Variants in CUL4B observed in about 807,000 individuals in gnomAD.
CUL4B encodes the protein cullin-4B.
Under a neutral mutation model 69.2 loss-of-function variants are expected in CUL4B, and 1 was observed. The ratio of observed to expected loss-of-function variants is 0.01; its 90% confidence interval spans 0.01 to 0.07. The LOEUF is 0.07. Among genes scored for constraint, CUL4B ranks in the 10% least tolerant of loss-of-function variants. CUL4B has a pLI of 1.00. For missense variants in CUL4B, 328 were observed against 638.8 expected (o/e 0.51, Z 5.24); for synonymous variants, 237 against 223.2 (o/e 1.06, Z -0.55).
chrX:120,539,516 A>T (rs1410223511), intron 11 of CUL4B, 144 bp from the exon 12 acceptor site: 1 of 413,245 alleles, frequency 2.4e-6, no homozygotes, highest in Non-Finnish European at 4.3e-6. Flanking sequence ...CTCCAAAGTC[A>T]GGAAGATCAA....
chrX:120,561,835 A>G (rs1461684872), upstream of CUL4B, among the ~76,000 whole-genome samples: 1 of 111,268 alleles, frequency 9.0e-6, no homozygotes, highest in Admixed American at 9.5e-5. Context: ...TAAGATAGGA[A>G]AGGAGAAGAA....
At position 120,534,539 on chromosome X, in the gene CUL4B, T is replaced by C. The variant is rs1476660144; in HGVS notation, c.2208A>G (p.Leu736=). ...TGAACTCCTCTCCCTCATTAAACAT[T>C]AGCAGCACCAGTGTTTGAAAAAGAG... The part of the protein sequence containing the change: ...QVSLFQTLVL[L]MFNEGEEFSL... Residue 736 remains leucine (L), a synonymous_variant, in exon 17 of 20, where the codon CTA becomes CTG. Coordinates refer to ENST00000371322, the MANE Select transcript of CUL4B (RefSeq NM_001079872.2). 8.3e-7 allele frequency: 1 copy of C among 1,208,688 alleles called. No individual in the cohort carries two copies. Among genetic ancestry groups the C allele is most frequent in the Non-Finnish European group, 1.1e-6 (1 of 893,208 alleles).
intron 1 of CUL4B, 146 bp downstream of exon 1, chrX:120,559,936 CA>C: frequency 8.7e-7 from 1 of 1,143,941 alleles, no homozygotes. Flanking sequence ...AACCCTCCAC[CA>C]AAAAAGGACC....
chrX:120,557,750 C>T (rs1925063635), intron 2 of CUL4B, among the ~76,000 whole-genome samples, 174 bp downstream of exon 2: 1 of 111,298 alleles, frequency 9.0e-6, no homozygotes, highest in African/African-American at 3.3e-5. Context: ...ATGACTGTAC[C>T]CATGGTTTAT....
intron 2 of CUL4B, among the ~76,000 whole-genome samples, chrX:120,548,982 G>C (rs370414632): frequency 1.8e-5 from 2 of 112,245 alleles, no homozygotes; most frequent in Admixed American, 1.9e-4. Flanking sequence ...TCAGATTTCC[G>C]TAAGTTTCCT....
chrX:120,535,074 A>C (rs1270518183), intron 16 of CUL4B, among the ~76,000 whole-genome samples: 1 of 111,795 alleles, frequency 8.9e-6, no homozygotes, highest in Non-Finnish European at 1.9e-5. Flanking sequence ...TCATGCCTGT[A>C]ATCCCAGCAC....
chrX:120,530,656 T>A (rs1013918609), intron 18 of CUL4B, among the ~76,000 whole-genome samples: 5 of 112,124 alleles, frequency 4.5e-5, no homozygotes, highest in Admixed American at 9.5e-5. Context: ...GGTGACTCTG[T>A]CTGATCTCTG....
At position 120,538,126 on chromosome X, in the gene CUL4B, G is replaced by C; in HGVS notation, c.1936C>G (p.Gln646Glu). ...TTAAGAGTTTAACTCACTTTTACCTGTTTGAACTGAATCATGATGTCTTTA... is the reference window on the plus strand; with the variant it reads ...TTAAGAGTTTAACTCACTTTTACCTCTTTGAACTGAATCATGATGTCTTTA... ...LSKDIMIQFKQYMQNQNVPGN... is the reference protein window; with the variant it reads ...LSKDIMIQFKEYMQNQNVPGN... Residue 646 changes from glutamine to glutamate, a missense_variant and splice_region_variant, in exon 14 of 20, where the codon CAG (glutamine) becomes GAG (glutamate). Gln to Glu is a conservative substitution (Grantham distance 29). Coordinates refer to ENST00000371322, the MANE Select transcript of CUL4B (RefSeq NM_001079872.2). 8.5e-7 allele frequency: 1 copy of C among 1,182,571 alleles called. No individual in the cohort carries two copies.
In CUL4B at chrX:120,538,205, G is replaced by A. The variant is rs148700620; in HGVS notation, c.1857C>T (p.Cys619=). Reference sequence around the variant, plus strand: ...CAAGTTTGCTGGTGAAAGCAGCTCCGCATTCTATTAAAGATGTTTGTACAT... The same window carrying A: ...CAAGTTTGCTGGTGAAAGCAGCTCCACATTCTATTAAAGATGTTTGTACAT... ...KSMLSKLKHE[C]GAAFTSKLEG... The change falls in exon 14 of 20, where the codon TGC becomes TGT. Residue 619 remains cysteine (C), a synonymous_variant. Coordinates refer to ENST00000371322, the MANE Select transcript of CUL4B (RefSeq NM_001079872.2). 1,580 of 1,156,497 alleles carry A rather than the reference G, an allele frequency of 1.4e-3. No individual in the cohort carries two copies. The highest frequency in any genetic ancestry group is 7.7e-3 in the Middle Eastern group (30 of 3,897).
chrX:120,566,345 G>GTATATATATATA (rs537274243), upstream of CUL4B, among the ~76,000 whole-genome samples: 62 of 40,912 alleles, frequency 1.5e-3, 2 homozygotes, highest in South Asian at 2.1e-3. Context: ...GTGTGTATAG[G>GTATATATATATA]TATATATATA....
intron 16 of CUL4B, among the ~76,000 whole-genome samples, chrX:120,535,490 G>T (rs1436990632): frequency 1.8e-5 from 2 of 109,774 alleles, no homozygotes; most frequent in Admixed American, 1.9e-4. Flanking sequence ...GGATCACAAG[G>T]TCAAGAGACA....
At chrX:120,533,246 T>C (rs948800652) in intron 17 of CUL4B, among the ~76,000 whole-genome samples, 5 of 112,193 alleles carry the variant, frequency 4.5e-5, no homozygotes, top group African/African-American at 1.6e-4. Context: ...CCTTCTACTT[T>C]ATGCCTGAAT....
intron 2 of CUL4B, among the ~76,000 whole-genome samples, chrX:120,555,057 T>C (rs1039081455): frequency 1.8e-5 from 2 of 112,168 alleles, no homozygotes; most frequent in Non-Finnish European, 3.8e-5. Flanking sequence ...AGTAAGGTAT[T>C]ATGAAAAATG....
upstream of CUL4B, among the ~76,000 whole-genome samples, chrX:120,565,700 T>C (rs1305085105): frequency 1.2e-5 from 1 of 86,578 alleles, no homozygotes; most frequent in Admixed American, 1.3e-4. Flanking sequence ...AAAAAACTGC[T>C]AGGTAAAGGG....
intron 8 of CUL4B, 38 bp from the exon 9 acceptor site, chrX:120,543,071 T>C (rs1924097470): frequency 1.0e-6 from 1 of 958,749 alleles, no homozygotes; most frequent in Non-Finnish European, 1.5e-6. Context: ...TTATTGACGT[T>C]TGACTTCCAG....
At chrX:120,553,570 T>A (rs1462399709) in intron 2 of CUL4B, among the ~76,000 whole-genome samples, 1 of 111,648 alleles carries the variant, frequency 9.0e-6, no homozygotes, top group African/African-American at 3.3e-5. Flanking sequence ...CACGCTCCTG[T>A]ACAAACTTCC....
chrX:120,562,574 G>A (rs757427816), upstream of CUL4B, among the ~76,000 whole-genome samples: 70 of 112,015 alleles, frequency 6.2e-4, no homozygotes, highest in African/African-American at 1.6e-3. Context: ...AGTGCTGTCA[G>A]AAGAGGCAAA....
chrX:120,563,354 C>G (rs1279312485), upstream of CUL4B, among the ~76,000 whole-genome samples: 1 of 112,017 alleles, frequency 8.9e-6, no homozygotes, highest in African/African-American at 3.2e-5. Context: ...GTGCGTCAGC[C>G]TTCTTGAGTA....
At chrX:120,574,187 T>TA (rs1462176170) in intron 2 of CUL4B, among the ~76,000 whole-genome samples, 1 of 106,007 alleles carries the variant, frequency 9.4e-6, no homozygotes, top group Non-Finnish European at 1.9e-5. Flanking sequence ...CATAAGAATT[T>TA]ACTCAAGCTT....
Sources: allele counts gnomAD v4.1 joint callset (sites outside exome capture counted in the v4.1 genomes callset), GRCh38; gene constraint gnomAD v4.1.1; transcripts MANE v1.5; gene names NCBI Gene and HGNC (gene_info 2026-07-23, HGNC 2026-07-21).